ANKAR: variants seen among roughly 807,000 people sequenced by gnomAD.
ANKAR encodes the protein ankyrin and armadillo repeat-containing protein.
In ANKAR, 136 loss-of-function variants were observed where a neutral mutation model predicts 146.2. That is an observed-to-expected ratio of 0.93 (90% CI 0.81 to 1.07). The LOEUF (loss-of-function observed/expected upper bound fraction) is 1.07, where lower values mean the gene tolerates loss of function less well. ANKAR is among the 50% of genes least tolerant of loss of function. The pLI is 0.00. For synonymous variants in ANKAR, 500 were observed against 575.8 expected, an observed-to-expected ratio of 0.87 and a Z score of 1.88; for missense variants, 1,567 against 1,679.9, an observed-to-expected ratio of 0.93 and a Z score of 1.18.
chr2:189,738,105 A>G (rs563187455), intron 18 of ANKAR, among the ~76,000 whole-genome samples: 1 of 152,284 alleles, frequency 6.6e-6, no homozygotes, highest in East Asian at 1.9e-4. Flanking sequence ...GTTGACAATC[A>G]GGTAGTATTA....
chr2:189,756,214 C>T (rs2046057007), intron 18 of ANKAR, among the ~76,000 whole-genome samples: 1 of 152,124 alleles, frequency 6.6e-6, no homozygotes, highest in South Asian at 2.1e-4. Flanking sequence ...TCCTGAAATA[C>T]AGTTTGGGAA....
At chr2:189,762,513 GGATT>G, downstream of ANKAR, 1 of 842,410 alleles carries the variant, frequency 1.2e-6, no homozygotes, top group Non-Finnish European at 1.4e-6. Flanking sequence ...TGGACAAGGA[GGATT>G]GTACGAAGCA....
In ANKAR at chr2:189,683,971, G is replaced by A. The variant is rs72920449; in HGVS notation, c.602-5556G>A. Among the ~76,000 whole-genome samples the A allele has an allele frequency of 2.1e-3, 325 of 152,272 alleles. 1 individual carries two copies. Among genetic ancestry groups the A allele is most frequent in the Non-Finnish European group, 3.4e-3 (230 of 68,030 alleles). On this transcript the variant is annotated intron_variant, in intron 2 of 22. Coordinates refer to ENST00000684021, the MANE Select transcript of ANKAR (RefSeq NM_001378068.1). ...CTTTAAAAACAGTAGCAATAGTAGA[G>A]AATAGAGCACACCAAAAATCTGGCC... is the stretch of plus-strand genomic sequence containing the variant.
intron 15 of ANKAR, among the ~76,000 whole-genome samples, chr2:189,729,715 T>TGTGTGTGTGTGTGTGTGTGTGTGGGG (rs61101787): frequency 1.5e-4 from 21 of 141,396 alleles, no homozygotes; most frequent in East Asian, 2.2e-4. Context: ...TGTGTGTGTG[T>TGTGTGTGTGTGTGTGTGTGTGTGGGG]GGTGCGGGTG....
intron 16 of ANKAR, among the ~76,000 whole-genome samples, chr2:189,732,489 GTC>G (rs1209714370): frequency 1.3e-5 from 2 of 151,940 alleles, no homozygotes; most frequent in Admixed American, 6.6e-5. Flanking sequence ...GTGAAGCCCT[GTC>G]TCTGCTAAAG....
intron 22 of ANKAR, among the ~76,000 whole-genome samples, chr2:189,746,020 GA>G (rs2105917847): frequency 6.6e-6 from 1 of 152,168 alleles, no homozygotes; most frequent in South Asian, 2.1e-4. Context: ...AGTAACATAA[GA>G]AAAAATAAGG....
chr2:189,755,874 A>T (rs2045995129), intron 18 of ANKAR, among the ~76,000 whole-genome samples: 1 of 152,232 alleles, frequency 6.6e-6, no homozygotes, highest in Non-Finnish European at 1.5e-5. Context: ...GACAGGAAAA[A>T]ATTGTATTTA....
At chr2:189,715,560 A>G (rs1485364120) in intron 10 of ANKAR, among the ~76,000 whole-genome samples, 1 of 152,214 alleles carries the variant, frequency 6.6e-6, no homozygotes, top group Non-Finnish European at 1.5e-5. Context: ...GTCAATAGAA[A>G]AAGAGGGAAT....
At chr2:189,680,283 A>T (rs6723158) in intron 2 of ANKAR, among the ~76,000 whole-genome samples, 1 of 152,148 alleles carries the variant, frequency 6.6e-6, no homozygotes, top group Admixed American at 6.5e-5. Flanking sequence ...GGTATCGGTT[A>T]TAATGACTCC....
Position 189,746,617 on chromosome 2 carries a change from C to T in ANKAR, c.4295C>T (p.Ala1432Val). The T allele has an allele frequency of 6.3e-7, 1 of 1,588,166 alleles. No individual in the cohort carries two copies. Among genetic ancestry groups the T allele is most frequent in the Non-Finnish European group, 8.5e-7 (1 of 1,172,576 alleles). Residue 1432 changes from alanine (A) to valine (V), a missense_variant, in exon 23 of 23, where the codon GCA (alanine) becomes GTA (valine). By Grantham distance (64) the Ala-to-Val change is moderately conservative. Transcript: ENST00000684021. ...KHVQKANPEP[A>V]EG ...GTCCAGAAAGCCAACCCAGAGCCTGCAGAAGGCTAATAAAACATTTTAGAA... is the reference window on the plus strand; with the variant it reads ...GTCCAGAAAGCCAACCCAGAGCCTGTAGAAGGCTAATAAAACATTTTAGAA...
intron 9 of ANKAR, among the ~76,000 whole-genome samples, chr2:189,708,010 A>G (rs2039186551): frequency 6.6e-6 from 1 of 152,182 alleles, no homozygotes; most frequent in African/African-American, 2.4e-5. Context: ...TGCCAAGGCT[A>G]GAATTCTCCT....
At position 189,746,577 on chromosome 2, in the gene ANKAR, C is replaced by T. The variant is rs2044197948; in HGVS notation, c.4255C>T (p.Gln1419Ter). 2 of 1,612,656 alleles carry T rather than the reference C, an allele frequency of 1.2e-6. No individual in the cohort carries two copies. Among genetic ancestry groups the T allele is most frequent in the South Asian group, 2.2e-5 (2 of 90,492 alleles). ...VSRPRIVCLN[Q>*]LGKHVQKANP... ...AAGACCAAGAATAGTGTGTTTGAAC[C>T]AACTTGGGAAACATGTCCAGAAAGC... Residue 1419 changes from glutamine (Q) to a stop codon, truncating the protein, a stop_gained, in exon 23 of 23, where the codon CAA becomes TAA. Coordinates refer to ENST00000684021, the MANE Select transcript of ANKAR (RefSeq NM_001378068.1). LOFTEE classifies it high-confidence loss of function.
In ANKAR at chr2:189,693,041, G is replaced by GAT. The variant is rs1257254340; in HGVS notation, c.1204-30_1204-29dup. ...TTATAATTGTTTAGATGTGTCTAAG[G>GAT]ATATGTCTTTAGTAACATAACTCAT... On this transcript the variant is annotated intron_variant, in intron 4 of 22. Coordinates refer to ENST00000684021, the MANE Select transcript of ANKAR (RefSeq NM_001378068.1). The GAT allele has an allele frequency of 3.7e-6, 4 of 1,093,432 alleles. No homozygotes were observed. In the African/African-American group the frequency reaches 6.4e-5, roughly 18 times the overall value. The allele number at this position is 1,093,432 out of a possible 1,614,324, so 67.7% of individuals were successfully genotyped here.
At chr2:189,757,309 AG>A (rs1265629685) in intron 18 of ANKAR, among the ~76,000 whole-genome samples, 16 of 152,200 alleles carry the variant, frequency 1.1e-4, no homozygotes, top group Non-Finnish European at 2.2e-4. Flanking sequence ...GGAGAAGTCA[AG>A]GGTGTCCTTC....
chr2:189,762,820 C>T, downstream of ANKAR: 2 of 985,462 alleles, frequency 2.0e-6, no homozygotes, highest in Non-Finnish European at 2.4e-6. Context: ...AGGTCCCGTC[C>T]AGAGCTGGCT....
chr2:189,696,572 C>T (rs2037235036), intron 7 of ANKAR, among the ~76,000 whole-genome samples: 1 of 152,080 alleles, frequency 6.6e-6, no homozygotes, highest in Admixed American at 6.6e-5. Context: ...TATATTTGCT[C>T]ATTGTGTCTC....
At chr2:189,696,054 T>C in intron 6 of ANKAR, 96 bp from the exon 7 acceptor site, 2 of 1,046,182 alleles carry the variant, frequency 1.9e-6, no homozygotes, top group Non-Finnish European at 2.8e-6. Context: ...TTTAACAGCA[T>C]TCATGTGATT....
chr2:189,677,839 T>C (rs772530594), intron 2 of ANKAR, among the ~76,000 whole-genome samples: 18 of 152,122 alleles, frequency 1.2e-4, no homozygotes, highest in Non-Finnish European at 2.4e-4. Flanking sequence ...ACTCATTGGT[T>C]GATGGGCCTT....
At chr2:189,702,060 G>C (rs1228413541) in intron 7 of ANKAR, among the ~76,000 whole-genome samples, 1 of 152,070 alleles carries the variant, frequency 6.6e-6, no homozygotes. Context: ...CTGTCCCTTA[G>C]GCCAGCCAGG....
Sources: gnomAD v4.1 joint callset for allele counts (sites outside exome capture counted in the v4.1 genomes callset) on GRCh38, gnomAD v4.1.1 for gene constraint, MANE v1.5 for transcripts, NCBI Gene and HGNC (gene_info 2026-07-23, HGNC 2026-07-21) for gene names.